The following PRKG2 variants were observed in gnomAD, a reference collection of about 807,000 sequenced individuals.
The protein encoded by PRKG2 is protein kinase cGMP-dependent 2, also known as cGMP-dependent protein kinase 2.
In PRKG2, 33 loss-of-function variants were observed where a neutral mutation model predicts 97.2. The ratio of observed to expected loss-of-function variants is 0.34; its 90% CI spans 0.26 to 0.45. The LOEUF is 0.45. Ranked by LOEUF, PRKG2 falls within the 20% of genes least tolerant of loss-of-function variation. PRKG2 has a pLI of 1.00. For missense variants in PRKG2, 638 were observed against 900.0 expected, an observed-to-expected ratio of 0.71 and a Z score of 3.73; for synonymous variants, 330 against 321.8, an observed-to-expected ratio of 1.03 and a Z score of -0.27.
chr4:81,161,515 G>A (rs1749591086), intron 6 of PRKG2, among the ~76,000 whole-genome samples: 1 of 152,140 alleles, frequency 6.6e-6, no homozygotes, highest in African/African-American at 2.4e-5. Flanking sequence ...GGAGCTCAAG[G>A]TATCAATAGG....
chr4:81,130,638 T>C (rs1746081961), intron 14 of PRKG2, among the ~76,000 whole-genome samples: 1 of 152,134 alleles, frequency 6.6e-6, no homozygotes, highest in Non-Finnish European at 1.5e-5. Flanking sequence ...AGTAGTTTTA[T>C]CTATGAGCCC....
chr4:81,132,145 CA>C (rs1201593210), intron 14 of PRKG2, among the ~76,000 whole-genome samples: 1 of 151,492 alleles, frequency 6.6e-6, no homozygotes, highest in Non-Finnish European at 1.5e-5. Flanking sequence ...GAAATTTACT[CA>C]AAATTATTTT....
At chr4:81,140,427 A>G in intron 12 of PRKG2, 106 bp downstream of exon 12, 3 of 1,001,032 alleles carry the variant, frequency 3.0e-6, no homozygotes, top group Non-Finnish European at 4.1e-6. Context: ...ATATATGCCT[A>G]CTATGTACCC....
chr4:81,098,981 A>C (rs886948766), intron 17 of PRKG2, among the ~76,000 whole-genome samples: 1 of 152,212 alleles, frequency 6.6e-6, no homozygotes, highest in Non-Finnish European at 1.5e-5. Context: ...AGGTGCAGTA[A>C]GTAAAGCAAA....
At chr4:81,142,569 C>T (rs1328393798) in intron 11 of PRKG2, among the ~76,000 whole-genome samples, 3 of 152,124 alleles carry the variant, frequency 2.0e-5, no homozygotes, top group Non-Finnish European at 4.4e-5. Flanking sequence ...TCACAAAAGA[C>T]GTGATGTAAG....
intron 11 of PRKG2, 147 bp downstream of exon 11, chr4:81,142,647 G>T (rs768444588): frequency 6.8e-6 from 7 of 1,032,762 alleles, no homozygotes; most frequent in Non-Finnish European, 8.1e-6. Context: ...AATATACAGA[G>T]TGAAAAGTTT....
chr4:81,105,681 C>T, intron 16 of PRKG2, 132 bp downstream of exon 16: 1 of 1,299,098 alleles, frequency 7.7e-7, no homozygotes, highest in Non-Finnish European at 1.0e-6. Flanking sequence ...AAATGACTTC[C>T]TTCAAATATA....
At chr4:81,191,459 GT>G (rs1752510127) in intron 2 of PRKG2, among the ~76,000 whole-genome samples, 1 of 149,198 alleles carries the variant, frequency 6.7e-6, no homozygotes, top group African/African-American at 2.4e-5. Context: ...AGAAGGGATA[GT>G]ATTAGGAGAA....
intron 9 of PRKG2, among the ~76,000 whole-genome samples, chr4:81,148,585 C>T (rs555770167): frequency 2.6e-5 from 4 of 152,158 alleles, no homozygotes; most frequent in East Asian, 1.9e-4. Flanking sequence ...AATCCATAAG[C>T]GAACGAATCA....
At chr4:81,137,053 C>A (rs1428734093) in intron 13 of PRKG2, among the ~76,000 whole-genome samples, 1 of 151,984 alleles carries the variant, frequency 6.6e-6, no homozygotes, top group Non-Finnish European at 1.5e-5. Flanking sequence ...ACTCCCCACC[C>A]CCACCTTTGT....
At chr4:81,112,469 T>C (rs1417651736) in intron 14 of PRKG2, among the ~76,000 whole-genome samples, 2 of 152,224 alleles carry the variant, frequency 1.3e-5, no homozygotes, top group Non-Finnish European at 2.9e-5. Context: ...TAACAGACTT[T>C]TGACGCATTT....
intron 2 of PRKG2, among the ~76,000 whole-genome samples, chr4:81,186,242 T>C (rs1751870033): frequency 6.6e-6 from 1 of 151,944 alleles, no homozygotes; most frequent in South Asian, 2.1e-4. Flanking sequence ...CCTCAGCAAA[T>C]GCAAAAGAAT....
intron 2 of PRKG2, among the ~76,000 whole-genome samples, chr4:81,181,167 A>G (rs1454511041): frequency 1.3e-5 from 2 of 152,124 alleles, no homozygotes; most frequent in Non-Finnish European, 1.5e-5. Context: ...ACATTTCATA[A>G]GACTGAAGTA....
At chr4:81,168,418 G>A (rs1218524547) in intron 5 of PRKG2, among the ~76,000 whole-genome samples, 2 of 152,056 alleles carry the variant, frequency 1.3e-5, no homozygotes, top group East Asian at 1.9e-4. Context: ...TAGATTATCC[G>A]AGCTTTTTCC....
intron 1 of PRKG2, among the ~76,000 whole-genome samples, chr4:81,214,205 A>C (rs952941806): frequency 6.6e-6 from 1 of 151,022 alleles, no homozygotes; most frequent in African/African-American, 2.4e-5. Context: ...AGCCCCTGGG[A>C]ACTTGGGGAA....
At position 81,184,475 on chromosome 4, in the gene PRKG2, A is replaced by C. The variant is rs183124119; in HGVS notation, c.462-9516T>G. ...CAACAAAATGGATGCCCACACAGAAACCCCATCTGAAGGTCACCAACATCA... is the reference window on the plus strand; with the variant it reads ...CAACAAAATGGATGCCCACACAGAACCCCCATCTGAAGGTCACCAACATCA... On this transcript the variant is annotated intron_variant, in intron 2 of 18. Coordinates refer to ENST00000264399, the MANE Select transcript of PRKG2 (RefSeq NM_006259.3). 2.9e-3 allele frequency among the ~76,000 whole-genome samples: 441 copies of C among 152,174 alleles called. 6 individuals are homozygous for C. The highest frequency in any genetic ancestry group is 0.017 in the Middle Eastern group (5 of 292).
chr4:81,189,054 TAAA>T (rs1462589613), intron 2 of PRKG2, among the ~76,000 whole-genome samples: 2 of 10,794 alleles, frequency 1.9e-4, no homozygotes, highest in African/African-American at 1.3e-3. Flanking sequence ...AAAAAAAGAT[TAAA>T]AAAAATAATA....
chr4:81,117,088 G>A (rs566355869), intron 14 of PRKG2, among the ~76,000 whole-genome samples: 1 of 147,878 alleles, frequency 6.8e-6, no homozygotes, highest in Admixed American at 6.9e-5. Flanking sequence ...AACCTCCTGG[G>A]CTAAAGCAAT....
intron 2 of PRKG2, among the ~76,000 whole-genome samples, chr4:81,196,918 C>A (rs1002436005): frequency 2.0e-5 from 3 of 152,068 alleles, no homozygotes; most frequent in African/African-American, 2.4e-5. Context: ...AGGATAGATA[C>A]AAGAAATGTA....
Sources: gnomAD v4.1 joint callset for allele counts (sites outside exome capture counted in the v4.1 genomes callset) on GRCh38, gnomAD v4.1.1 for gene constraint, MANE v1.5 for transcripts, NCBI Gene and HGNC (gene_info 2026-07-23, HGNC 2026-07-21) for gene names.